Variants in SPATA13 observed in about 807,000 individuals in gnomAD.
The protein encoded by SPATA13 is spermatogenesis-associated protein 13.
In SPATA13, 50 loss-of-function variants were observed where a neutral mutation model predicts 104.0. The ratio of observed to expected loss-of-function variants is 0.48; its 90% CI spans 0.38 to 0.61. SPATA13 has a LOEUF of 0.61. Ranked by LOEUF, SPATA13 falls within the 20% of genes least tolerant of loss-of-function variation. The pLI is 0.00. For missense variants in SPATA13, 1,524 were observed against 1,690.6 expected (o/e 0.90, Z 1.73); for synonymous variants, 606 against 667.5 (o/e 0.91, Z 1.42).
chr13:24,268,415 T>C (rs1874392946), intron 4 of SPATA13, among the ~76,000 whole-genome samples: 1 of 152,222 alleles, frequency 6.6e-6, no homozygotes, highest in South Asian at 2.1e-4. Context: ...ATTGAATGAA[T>C]TGTCTATTAA....
chr13:23,990,331 T>G (rs1875353565), intron 2 of SPATA13, among the ~76,000 whole-genome samples: 1 of 152,094 alleles, frequency 6.6e-6, no homozygotes, highest in African/African-American at 2.4e-5. Context: ...AGAATAAAGC[T>G]CAAACTTATT....
intron 3 of SPATA13, among the ~76,000 whole-genome samples, chr13:24,106,487 T>C (rs1393019970): frequency 6.6e-6 from 1 of 152,186 alleles, no homozygotes; most frequent in African/African-American, 2.4e-5. Flanking sequence ...GGTGTTTTGG[T>C]TTCCTGTCCC....
chr13:24,245,965 C>T lies in SPATA13; in HGVS notation c.1654-3512C>T, dbSNP rs9580906. On this transcript the variant is annotated intron_variant, in intron 2 of 12. Transcript: ENST00000382108. ...TAAAAGAATGATCCCGAGTCCTGCC[C>T]GCTGCTGTCTACTGACCTGCTTGGA... Among the ~76,000 whole-genome samples the T allele has an allele frequency of 3.9e-3, 598 of 152,176 alleles. 3 individuals carry two copies. Among genetic ancestry groups the T allele is most frequent in the African/African-American group, 0.014 (576 of 41,520 alleles).
chr13:24,103,962 A>G (rs1880353295), intron 3 of SPATA13, among the ~76,000 whole-genome samples: 1 of 152,166 alleles, frequency 6.6e-6, no homozygotes, highest in Non-Finnish European at 1.5e-5. Flanking sequence ...GCTGATTAGG[A>G]GTGACTCTAA....
intron 2 of SPATA13, among the ~76,000 whole-genome samples, chr13:24,247,553 C>T (rs529215130): frequency 5.9e-5 from 8 of 134,858 alleles, no homozygotes; most frequent in Admixed American, 5.4e-4. Flanking sequence ...AATTTCAGCC[C>T]ACTGCAACTT....
In SPATA13 at chr13:24,098,787, C is replaced by T. The variant is rs189278487; in HGVS notation, c.-112+81086C>T. On this transcript the variant is annotated intron_variant, in intron 3 of 14. Coordinates refer to the SPATA13 transcript ENST00000424834. ...ACTAAAAACACAAAAATTAGCTGGG[C>T]ATTTTGGTGCGTGCATGTAGTCCTA... is the stretch of plus-strand genomic sequence containing the variant. 2.6e-4 allele frequency among the ~76,000 whole-genome samples: 39 copies of T among 151,710 alleles called. 1 individual carries two copies. Among genetic ancestry groups the T allele is most frequent in the Admixed American group, 2.4e-3 (37 of 15,240 alleles).
At chr13:24,246,420 A>G (rs1209208298) in intron 2 of SPATA13, among the ~76,000 whole-genome samples, 1 of 152,100 alleles carries the variant, frequency 6.6e-6, no homozygotes, top group Non-Finnish European at 1.5e-5. Flanking sequence ...TTTCCTCTAC[A>G]CTCTTTGACT....
chr13:24,165,655 G>A (rs886964417), intron 1 of SPATA13, among the ~76,000 whole-genome samples: 4 of 152,172 alleles, frequency 2.6e-5, no homozygotes, highest in Non-Finnish European at 5.9e-5. Context: ...AGATGCACGG[G>A]GAGGGCAGGC....
intron 2 of SPATA13, among the ~76,000 whole-genome samples, chr13:23,998,152 G>A (rs1179976650): frequency 6.6e-6 from 1 of 152,094 alleles, no homozygotes; most frequent in African/African-American, 2.4e-5. Flanking sequence ...ACTGTTTTCT[G>A]AAGTCTTTGC....
At chr13:24,122,076 C>G in intron 3 of SPATA13, 1 of 1,596,270 alleles carries the variant, frequency 6.3e-7, no homozygotes, top group East Asian at 2.2e-5. Context: ...CAATTCATCC[C>G]TGGTGCTGGG....
At chr13:23,998,618 T>C (rs149088720) in intron 2 of SPATA13, among the ~76,000 whole-genome samples, 32 of 152,342 alleles carry the variant, frequency 2.1e-4, no homozygotes, top group African/African-American at 7.2e-4. Flanking sequence ...GGGATCGTGA[T>C]TTTTTGCTGT....
intron 3 of SPATA13, among the ~76,000 whole-genome samples, chr13:24,074,557 A>G (rs1405585868): frequency 6.6e-6 from 1 of 152,204 alleles, no homozygotes; most frequent in African/African-American, 2.4e-5. Flanking sequence ...TCTAACACAC[A>G]TTAACTCCTT....
At chr13:24,287,282 C>A (rs576752992) in intron 7 of SPATA13, among the ~76,000 whole-genome samples, 128 of 152,246 alleles carry the variant, frequency 8.4e-4, no homozygotes, top group African/African-American at 3.0e-3. Context: ...CCTCCTCAGC[C>A]CCCCGAGTAG....
At chr13:24,228,747 A>C (rs909673975) in intron 2 of SPATA13, among the ~76,000 whole-genome samples, 2 of 152,228 alleles carry the variant, frequency 1.3e-5, no homozygotes, top group African/African-American at 4.8e-5. Flanking sequence ...GGTTCTACTT[A>C]CAGGATTAAA....
At chr13:24,099,142 G>A (rs1880177477) in intron 3 of SPATA13, among the ~76,000 whole-genome samples, 1 of 152,158 alleles carries the variant, frequency 6.6e-6, no homozygotes, top group Non-Finnish European at 1.5e-5. Context: ...CTCAGAGGGT[G>A]ATGGGGGAAC....
At chr13:24,019,747 A>C (rs1360255681) in intron 3 of SPATA13, among the ~76,000 whole-genome samples, 1 of 152,222 alleles carries the variant, frequency 6.6e-6, no homozygotes, top group Admixed American at 6.5e-5. Flanking sequence ...ACTCGTTGGA[A>C]TCCTAGGCAG....
chr13:24,143,718 A>G (rs993505027), intron 3 of SPATA13, among the ~76,000 whole-genome samples: 2 of 152,120 alleles, frequency 1.3e-5, no homozygotes. Context: ...AGAACATCTA[A>G]CAGTGGGGGC....
chr13:24,004,416 A>G (rs1188630584), intron 2 of SPATA13, among the ~76,000 whole-genome samples: 2 of 152,104 alleles, frequency 1.3e-5, no homozygotes, highest in South Asian at 2.1e-4. Context: ...TGGATGGACC[A>G]CAGTATATTT....
At chr13:24,230,350 T>C (rs561259861) in intron 2 of SPATA13, among the ~76,000 whole-genome samples, 29 of 152,286 alleles carry the variant, frequency 1.9e-4, no homozygotes, top group African/African-American at 7.0e-4. Context: ...TAAGGGCTCC[T>C]CATGAGAATG....
Sources: allele counts gnomAD v4.1 joint callset (sites outside exome capture counted in the v4.1 genomes callset), GRCh38; gene constraint gnomAD v4.1.1; transcripts MANE v1.5; gene names NCBI Gene and HGNC (gene_info 2026-07-23, HGNC 2026-07-21).